The following TUBD1 variants were observed in gnomAD, a reference collection of about 807,000 sequenced individuals.
TUBD1 encodes tubulin delta 1.
TUBD1 carries 38 observed loss-of-function variants against 51.2 expected under a neutral mutation model. The observed-to-expected ratio is 0.74, with a 90% CI of 0.57 to 0.97. The LOEUF (loss-of-function observed/expected upper bound fraction) is 0.97, where lower values mean the gene tolerates loss of function less well. Ranked by LOEUF, TUBD1 falls within the 50% of genes least tolerant of loss-of-function variation. TUBD1 has a pLI of 0.00. For synonymous variants in TUBD1, 169 were observed against 178.2 expected (o/e 0.95, Z 0.41); for missense variants, 489 against 538.4 (o/e 0.91, Z 0.91).
intron 8 of TUBD1, 78 bp from the exon 9 acceptor site, chr17:59,860,502 G>A: frequency 1.2e-6 from 1 of 857,504 alleles, no homozygotes; most frequent in South Asian, 1.6e-5. Context: ...ACAATAAACA[G>A]ACCTTTTCTA....
At position 59,890,948 on chromosome 17, in the gene TUBD1, C is replaced by T. The variant is rs2040972044; in HGVS notation, c.55G>A (p.Val19Ile). ...GAGTCACTAAGCAAAGCATCAAAAA[C>T]TTCAAAACCAATCTGATTGCCACAC... is the stretch of plus-strand genomic sequence containing the variant. ...GQCGNQIGFE[V>I]FDALLSDSHS... The change falls in exon 2 of 9, where the codon GTT becomes ATT. Residue 19 changes from valine (V) to isoleucine (I), a missense_variant. Transcript: ENST00000325752. 6.2e-7 allele frequency: 1 copy of T among 1,613,804 alleles called. No homozygotes were observed. The highest frequency in any genetic ancestry group is 8.5e-7 in the Non-Finnish European group (1 of 1,180,004).
At chr17:59,885,097 C>T (rs892651573) in intron 3 of TUBD1, 1 of 350,918 alleles carries the variant, frequency 2.8e-6, no homozygotes, top group South Asian at 2.4e-5. Context: ...GGCGCAAGGA[C>T]AGCCTCCCGC....
intron 3 of TUBD1, chr17:59,885,302 A>C (rs2040670869): frequency 1.6e-6 from 1 of 608,712 alleles, no homozygotes. Flanking sequence ...CTGAGATTGA[A>C]CTGGGGTGAA....
rs373031506 is a variant in TUBD1, at chr17:59,878,342, G to C, written c.538-8C>G. The C allele has an allele frequency of 6.3e-7, 1 of 1,595,742 alleles. No individual in the cohort carries two copies. Among genetic ancestry groups the C allele is most frequent in the Non-Finnish European group, 8.6e-7 (1 of 1,163,698 alleles). On this transcript the variant is annotated splice_polypyrimidine_tract_variant and splice_region_variant and intron_variant, in intron 4 of 8. Coordinates refer to ENST00000325752, the MANE Select transcript of TUBD1 (RefSeq NM_016261.4). ...GTAGTTTTGAACAATAACCTGGAGA[G>C]GAAAAGGTCAGAAAAAAGAAAGGTA...
intron 2 of TUBD1, among the ~76,000 whole-genome samples, chr17:59,886,802 G>C (rs2040756432): frequency 6.6e-6 from 1 of 152,092 alleles, no homozygotes; most frequent in South Asian, 2.1e-4. Flanking sequence ...TGTAATCCCA[G>C]CATTTTGGGA....
intron 5 of TUBD1, among the ~76,000 whole-genome samples, chr17:59,876,863 C>T (rs557688648): frequency 9.0e-4 from 137 of 151,874 alleles, no homozygotes; most frequent in Admixed American, 1.4e-3. Flanking sequence ...CTTACCTTAA[C>T]CATTCTTTTT....
At chr17:59,881,822 C>G (rs1391043217) in intron 3 of TUBD1, among the ~76,000 whole-genome samples, 1 of 151,872 alleles carries the variant, frequency 6.6e-6, no homozygotes, top group Non-Finnish European at 1.5e-5. Context: ...GATGCCCGAA[C>G]CACACCAGGC....
chr17:59,871,497 C>A (rs763146960), intron 6 of TUBD1, among the ~76,000 whole-genome samples: 2 of 152,074 alleles, frequency 1.3e-5, no homozygotes, highest in Non-Finnish European at 1.5e-5. Context: ...TGCACCCGGC[C>A]AGAATGAAGA....
intron 8 of TUBD1, among the ~76,000 whole-genome samples, chr17:59,862,904 T>A (rs973160390): frequency 1.3e-5 from 2 of 151,730 alleles, no homozygotes; most frequent in Non-Finnish European, 2.9e-5. Flanking sequence ...TTTTGTATTT[T>A]TAGTAGAGAC....
intron 4 of TUBD1, 85 bp from the exon 5 acceptor site, chr17:59,878,419 C>A: frequency 1.1e-6 from 1 of 920,348 alleles, no homozygotes; most frequent in Non-Finnish European, 1.7e-6. Context: ...TGGCAGGGTT[C>A]AAATCCGGGC....
intron 6 of TUBD1, among the ~76,000 whole-genome samples, chr17:59,869,182 A>C (rs1369712476): frequency 1.3e-5 from 2 of 151,868 alleles, no homozygotes; most frequent in Admixed American, 1.3e-4. Context: ...CTGTGAAAAA[A>C]TGCTGACACC....
At chr17:59,886,470 A>AC (rs2040733347) in intron 2 of TUBD1, 1 of 392,842 alleles carries the variant, frequency 2.5e-6, no homozygotes, top group Non-Finnish European at 4.6e-6. Flanking sequence ...CTAAAAGAGT[A>AC]CCTGGGTCAG....
intron 6 of TUBD1, among the ~76,000 whole-genome samples, chr17:59,869,472 C>T (rs1045675929): frequency 1.2e-4 from 18 of 150,978 alleles, no homozygotes; most frequent in Non-Finnish European, 1.8e-4. Context: ...AAGATTCTGT[C>T]CCCCCCGCCA....
intron 6 of TUBD1, among the ~76,000 whole-genome samples, chr17:59,867,756 T>C (rs928785688): frequency 2.0e-5 from 3 of 151,992 alleles, no homozygotes; most frequent in Admixed American, 2.0e-4. Flanking sequence ...GGGATGTAAC[T>C]TTTGGGGGCT....
At chr17:59,878,393 G>C (rs12150500) in intron 4 of TUBD1, 59 bp from the exon 5 acceptor site, 185,575 of 1,229,726 alleles carry the variant, frequency 0.15, 14,614 homozygotes, top group Middle Eastern at 0.18. Flanking sequence ...TAAGATTACA[G>C]ATTCTCAAGG....
chr17:59,874,023 A>G (rs1216632422), intron 6 of TUBD1, among the ~76,000 whole-genome samples: 1 of 151,826 alleles, frequency 6.6e-6, no homozygotes, highest in Non-Finnish European at 1.5e-5. Flanking sequence ...CCCCGTCTCT[A>G]CTAAAAATAC....
chr17:59,879,722 C>A (rs1228140492), intron 4 of TUBD1, among the ~76,000 whole-genome samples: 1 of 151,818 alleles, frequency 6.6e-6, no homozygotes, highest in African/African-American at 2.4e-5. Context: ...AGAAGTGAGC[C>A]CCAACTGCCT....
intron 6 of TUBD1, among the ~76,000 whole-genome samples, chr17:59,873,966 G>A (rs2040112097): frequency 6.6e-6 from 1 of 152,090 alleles, no homozygotes; most frequent in Non-Finnish European, 1.5e-5. Context: ...AAGACGGGTG[G>A]ATCACGAGGT....
intron 6 of TUBD1, among the ~76,000 whole-genome samples, chr17:59,872,176 G>A (rs910765200): frequency 2.0e-5 from 3 of 152,126 alleles, no homozygotes; most frequent in African/African-American, 7.2e-5. Context: ...TAGCCAGGAT[G>A]GTCTCGATCT....
Sources: allele counts gnomAD v4.1 joint callset (sites outside exome capture counted in the v4.1 genomes callset), GRCh38; gene constraint gnomAD v4.1.1; transcripts MANE v1.5; gene names NCBI Gene and HGNC (gene_info 2026-07-23, HGNC 2026-07-21).